The following CSMD1 variants were observed in gnomAD, a reference collection of about 807,000 sequenced individuals.
CSMD1 encodes CUB and sushi domain-containing protein 1.
Under a neutral mutation model 417.5 loss-of-function variants are expected in CSMD1, and 213 were observed. The ratio of observed to expected loss-of-function variants is 0.51; its 90% confidence interval spans 0.46 to 0.57. The LOEUF (loss-of-function observed/expected upper bound fraction) is 0.57. Among genes scored for constraint, CSMD1 ranks in the 20% least tolerant of loss-of-function variants. CSMD1 has a pLI of 0.00. For missense variants in CSMD1, 6,923 were observed against 4,529.7 expected (o/e 1.53, Z -15.17); for synonymous variants, 2,862 against 1,736.8 (o/e 1.65, Z -16.11).
intron 1 of CSMD1, among the ~76,000 whole-genome samples, chr8:4,689,916 A>C (rs1357323672): frequency 1.3e-5 from 2 of 152,178 alleles, no homozygotes; most frequent in Admixed American, 1.3e-4. Context: ...GTTTTAATAC[A>C]CAGCTACAAA....
chr8:3,764,662 G>A (rs928900582), intron 5 of CSMD1, among the ~76,000 whole-genome samples: 1 of 152,058 alleles, frequency 6.6e-6, no homozygotes, highest in Non-Finnish European at 1.5e-5. Flanking sequence ...ACAGGGGCTG[G>A]GGAGTTCATT....
At chr8:4,455,412 T>TATC (rs1012234572) in intron 2 of CSMD1, among the ~76,000 whole-genome samples, 14 of 152,120 alleles carry the variant, frequency 9.2e-5, no homozygotes, top group Admixed American at 9.2e-4. Flanking sequence ...CTGTCATGTG[T>TATC]ATCATTAGAA....
chr8:4,788,134 C>G, intron 1 of CSMD1: 1 of 1,602,500 alleles, frequency 6.2e-7, no homozygotes, highest in East Asian at 2.2e-5. Context: ...ATGGGCTCTA[C>G]TTCTGATCTT....
chr8:3,325,764 C>T (rs930877908), intron 23 of CSMD1, among the ~76,000 whole-genome samples: 11 of 152,126 alleles, frequency 7.2e-5, no homozygotes, highest in South Asian at 4.1e-4. Flanking sequence ...GCAGAGGTTG[C>T]AGTGAGCCGA....
chr8:3,885,608 T>A (rs1806508157), intron 5 of CSMD1, among the ~76,000 whole-genome samples: 1 of 152,202 alleles, frequency 6.6e-6, no homozygotes, highest in South Asian at 2.1e-4. Flanking sequence ...TCGGCTATGA[T>A]GAGCGTCTGC....
chr8:4,085,193 T>C (rs1800355663), intron 3 of CSMD1, among the ~76,000 whole-genome samples: 1 of 152,154 alleles, frequency 6.6e-6, no homozygotes, highest in South Asian at 2.1e-4. Context: ...GCACAGTGCC[T>C]GCAACTTCAG....
At chr8:4,130,757 G>T (rs2407302) in intron 3 of CSMD1, among the ~76,000 whole-genome samples, 59,342 of 151,494 alleles carry the variant, frequency 0.39, 11,839 homozygotes, top group Admixed American at 0.42. Flanking sequence ...ATTTTGAGGT[G>T]GTTAACATTT....
chr8:3,445,102 CAG>C (rs1222071968), intron 12 of CSMD1, among the ~76,000 whole-genome samples: 1 of 152,136 alleles, frequency 6.6e-6, no homozygotes, highest in Non-Finnish European at 1.5e-5. Flanking sequence ...AAAAGAAAAA[CAG>C]AAAATAGGAG....
intron 2 of CSMD1, among the ~76,000 whole-genome samples, chr8:4,531,857 G>T (rs1241764728): frequency 6.6e-6 from 1 of 150,872 alleles, no homozygotes; most frequent in Non-Finnish European, 1.5e-5. Flanking sequence ...ATCCTGCACC[G>T]CATTCAGTCA....
chr8:3,515,680 A>T (rs1797254449), intron 10 of CSMD1, among the ~76,000 whole-genome samples: 1 of 152,190 alleles, frequency 6.6e-6, no homozygotes, highest in Non-Finnish European at 1.5e-5. Flanking sequence ...GAACAAGTCA[A>T]TCATCACATA....
intron 5 of CSMD1, among the ~76,000 whole-genome samples, chr8:3,885,599 C>A (rs572322533): frequency 7.9e-5 from 12 of 152,130 alleles, no homozygotes; most frequent in Admixed American, 2.0e-4. Context: ...ACATCAGAAT[C>A]GGCTATGATG....
intron 64 of CSMD1, among the ~76,000 whole-genome samples, chr8:2,955,061 G>A (rs1157775536): frequency 1.3e-5 from 2 of 152,156 alleles, no homozygotes; most frequent in African/African-American, 2.4e-5. Flanking sequence ...ACACAAATTT[G>A]TAATTAATGG....
At chr8:3,801,340 C>A (rs1800448008) in intron 5 of CSMD1, among the ~76,000 whole-genome samples, 1 of 151,912 alleles carries the variant, frequency 6.6e-6, no homozygotes, top group Non-Finnish European at 1.5e-5. Context: ...ATACAAATGG[C>A]CAATAAGCCC....
chr8:4,943,358 T>C (rs971834398), intron 1 of CSMD1, among the ~76,000 whole-genome samples: 4 of 151,550 alleles, frequency 2.6e-5, no homozygotes, highest in Non-Finnish European at 5.9e-5. Context: ...TAGCCGGGCG[T>C]GGTGGTGGAC....
At chr8:3,120,490 C>T (rs940496022) in intron 41 of CSMD1, among the ~76,000 whole-genome samples, 12 of 152,104 alleles carry the variant, frequency 7.9e-5, no homozygotes, top group South Asian at 4.2e-4. Flanking sequence ...CATGAGGTTT[C>T]GTTATTATCC....
chr8:4,560,063 A>G (rs1007586774), intron 2 of CSMD1, among the ~76,000 whole-genome samples: 1 of 152,206 alleles, frequency 6.6e-6, no homozygotes, highest in Admixed American at 6.5e-5. Flanking sequence ...GGGGTCCTCG[A>G]CTGCATATCC....
At chr8:4,291,839 C>T (rs1046389404) in intron 3 of CSMD1, among the ~76,000 whole-genome samples, 1 of 152,114 alleles carries the variant, frequency 6.6e-6, no homozygotes, top group African/African-American at 2.4e-5. Context: ...ATGGCCTTTG[C>T]AAAATAATTA....
intron 1 of CSMD1, among the ~76,000 whole-genome samples, chr8:4,889,522 G>A (rs1398556306): frequency 6.6e-6 from 1 of 151,884 alleles, no homozygotes; most frequent in Non-Finnish European, 1.5e-5. Context: ...ATCATTACAG[G>A]AAGTTGTATG....
intron 25 of CSMD1, among the ~76,000 whole-genome samples, chr8:3,292,142 T>A (rs1292233309): frequency 6.6e-6 from 1 of 152,232 alleles, no homozygotes; most frequent in African/African-American, 2.4e-5. Flanking sequence ...CAGTGTTGAA[T>A]GAGTTTCTTT....
Sources: allele counts gnomAD v4.1 joint callset (sites outside exome capture counted in the v4.1 genomes callset), GRCh38; gene constraint gnomAD v4.1.1; transcripts MANE v1.5; gene names NCBI Gene and HGNC (gene_info 2026-07-23, HGNC 2026-07-21).